Variants in CSF1R observed in about 807,000 individuals in gnomAD.
CSF1R encodes colony stimulating factor 1 receptor.
Under a neutral mutation model 110.0 loss-of-function variants are expected in CSF1R, and 40 were observed. That is an observed-to-expected ratio of 0.36 (90% CI 0.28 to 0.47). CSF1R has a LOEUF of 0.47. CSF1R is among the 20% of genes least tolerant of loss of function. CSF1R has a pLI of 0.99. For synonymous variants in CSF1R, 523 were observed against 503.4 expected (o/e 1.04, Z -0.52); for missense variants, 1,052 against 1,253.0 (o/e 0.84, Z 2.42).
At position 150,077,286 on chromosome 5, in the gene CSF1R, G is replaced by A. The variant is rs759167484; in HGVS notation, c.879C>T (p.Phe293=). The A allele has an allele frequency of 1.2e-6, 2 of 1,614,096 alleles. No individual in the cohort carries two copies. The highest frequency in any genetic ancestry group is 2.7e-5 in the African/African-American group (2 of 74,934). Reference sequence around the variant, plus strand: ...CACCCTGATGCTTACCTACCACCCGGAAGAACATGGAGGTGGAGTGCTTGC... The same window carrying A: ...CACCCTGATGCTTACCTACCACCCGAAAGAACATGGAGGTGGAGTGCTTGC... ...VQGKHSTSMF[F]RVVESAYLNL... is the part of the protein sequence containing the mutation. The change falls in exon 5 of 21, where the codon TTC becomes TTT. Residue 293 remains phenylalanine, a synonymous_variant. Coordinates refer to ENST00000675795, the MANE Select transcript of CSF1R (RefSeq NM_001288705.3).
chr5:150,106,153 TG>T (rs2113868332), intron 1 of CSF1R, among the ~76,000 whole-genome samples: 1 of 152,296 alleles, frequency 6.6e-6, no homozygotes, highest in Admixed American at 6.5e-5. Context: ...TGGGACTCAG[TG>T]GGGTAAGCCC....
At chr5:150,077,169 T>C in intron 5 of CSF1R, 107 bp downstream of exon 5, 1 of 1,422,130 alleles carries the variant, frequency 7.0e-7, no homozygotes, top group Non-Finnish European at 9.9e-7. Flanking sequence ...CCAGCAGAGA[T>C]ATCCTCAGCA....
At chr5:150,056,188 C>G (rs754928706) in intron 17 of CSF1R, 31 bp downstream of exon 17, 1 of 1,614,210 alleles carries the variant, frequency 6.2e-7, no homozygotes, top group East Asian at 2.2e-5. Context: ...CACCCCCTCC[C>G]CAGCCTGGCC....
Position 150,056,330 on chromosome 5 carries a change from C to T in CSF1R, c.2331G>A (p.Arg777=). 6.2e-7 allele frequency: 1 copy of T among 1,614,196 alleles called. No individual in the cohort carries two copies. The highest frequency in any genetic ancestry group is 2.2e-5 in the East Asian group (1 of 44,876). The stretch of plus-strand genomic sequence containing the variant: ...ACAGCACGTTACGCGCTGCCACGTC[C>T]CGGTGGATGCACTGAGGGAAAGCAC... The part of the protein sequence containing the change: ...AFLASKNCIH[R]DVAARNVLLT... The change falls in exon 17 of 21, where the codon CGG becomes CGA. Residue 777 remains arginine, a synonymous_variant. Coordinates refer to ENST00000675795, the MANE Select transcript of CSF1R (RefSeq NM_001288705.3).
intron 14 of CSF1R, among the ~76,000 whole-genome samples, chr5:150,059,340 G>A (rs116670991): frequency 0.046 from 6,958 of 152,162 alleles, 522 homozygotes; most frequent in African/African-American, 0.16. Context: ...CACTGCACCC[G>A]GCCACATCTG....
intron 10 of CSF1R, among the ~76,000 whole-genome samples, chr5:150,062,835 C>G (rs1469689642): frequency 6.6e-6 from 1 of 152,128 alleles, no homozygotes; most frequent in Non-Finnish European, 1.5e-5. Flanking sequence ...AAAGAGCCCA[C>G]CATGTGACCA....
In CSF1R at chr5:150,094,441, G is replaced by A. The variant is rs947239251; in HGVS notation, c.-180-7834C>T. On this transcript the variant is annotated intron_variant, in intron 1 of 21. Coordinates refer to the CSF1R transcript ENST00000286301. ...CAAAAGATGCTTCGAAAGGCAAGGA[G>A]GAAGCTTATCTATGAAAAAGCAAAG... 13 of 1,597,516 alleles carry A rather than the reference G, an allele frequency of 8.1e-6. No homozygotes were observed. The Admixed American group carries it at 1.2e-4, about 14-fold the overall frequency.
intron 1 of CSF1R, among the ~76,000 whole-genome samples, chr5:150,105,934 G>GAA: frequency 6.6e-6 from 1 of 152,288 alleles, no homozygotes; most frequent in Non-Finnish European, 1.5e-5. Flanking sequence ...TATTAATTAC[G>GAA]CCATTTTGCC....
intron 1 of CSF1R, among the ~76,000 whole-genome samples, chr5:150,098,199 A>C (rs1259743028): frequency 6.6e-6 from 1 of 151,990 alleles, no homozygotes. Flanking sequence ...AAAAGAAAAA[A>C]ATAAAAATCA....
At chr5:150,109,060 C>CA (rs796543393) in intron 1 of CSF1R, among the ~76,000 whole-genome samples, 3 of 15,530 alleles carry the variant, frequency 1.9e-4, no homozygotes, top group Admixed American at 6.3e-4. Flanking sequence ...AGAAGCCCGC[C>CA]CCCCCCCCAC....
intron 1 of CSF1R, among the ~76,000 whole-genome samples, chr5:150,101,904 T>C (rs1759416830): frequency 6.6e-6 from 1 of 152,166 alleles, no homozygotes; most frequent in Non-Finnish European, 1.5e-5. Flanking sequence ...AATAGTATCC[T>C]ATGCTATTTA....
At chr5:150,081,163 C>G (rs1342693465) in intron 1 of CSF1R, 139 bp from the exon 2 acceptor site, 5 of 930,298 alleles carry the variant, frequency 5.4e-6, no homozygotes, top group Non-Finnish European at 8.1e-6. Flanking sequence ...CCCCTGCCCC[C>G]TGGTCATTTG....
chr5:150,094,506 A>G lies in CSF1R; in HGVS notation c.-180-7899T>C, dbSNP rs537483099. On this transcript the variant is annotated intron_variant, in intron 1 of 21. Transcript: ENST00000286301. ...ATATAGGCAGATGTACAGGACTGAA[A>G]TTCGAATGGCGAGGATGGCAAGAAA... is the stretch of plus-strand genomic sequence containing the variant. 207 of 1,600,140 alleles carry G rather than the reference A, an allele frequency of 1.3e-4. 1 individual carries two copies. The African/African-American group carries it at 2.5e-3, about 19-fold the overall frequency.
chr5:150,060,396 T>C (rs1217159508), intron 13 of CSF1R, among the ~76,000 whole-genome samples: 2 of 151,858 alleles, frequency 1.3e-5, no homozygotes, highest in Non-Finnish European at 2.9e-5. Context: ...GAATTATTTC[T>C]TCAAAGGAAA....
chr5:150,095,439 C>A (rs1191073188), intron 1 of CSF1R, among the ~76,000 whole-genome samples: 1 of 151,882 alleles, frequency 6.6e-6, no homozygotes, highest in Non-Finnish European at 1.5e-5. Context: ...TGCATCACAA[C>A]AGAATCAAAC....
Position 150,077,399 on chromosome 5 carries a change from G to A in CSF1R, c.766C>T (p.Arg256Cys), listed in dbSNP as rs764483518. The A allele has an allele frequency of 1.4e-5, 23 of 1,613,752 alleles. No individual in the cohort carries two copies. Among genetic ancestry groups the A allele is most frequent in the African/African-American group, 1.2e-4 (9 of 74,910 alleles). ...IPQQSDFHNN[R>C]YQKVLTLNLD... ...TTGAGGGTCAGGACTTTTTGGTAAC[G>A]GTTATTATGAAAGTCAGATTGTTGA... The change falls in exon 5 of 21, where the codon CGT (arginine) becomes TGT (cysteine). Residue 256 changes from arginine to cysteine, a missense_variant. By Grantham distance (180) the Arg-to-Cys change is radical. Coordinates refer to ENST00000675795, the MANE Select transcript of CSF1R (RefSeq NM_001288705.3).
At chr5:150,055,385 C>T in intron 18 of CSF1R, 49 bp from the exon 19 acceptor site, 7 of 1,462,836 alleles carry the variant, frequency 4.8e-6, no homozygotes, top group Non-Finnish European at 6.7e-6. Flanking sequence ...GTCTTCTCCC[C>T]ATTCCCGCAC....
intron 13 of CSF1R, 91 bp from the exon 14 acceptor site, chr5:150,059,953 A>G: frequency 7.0e-7 from 1 of 1,423,210 alleles, no homozygotes; most frequent in Admixed American, 2.0e-5. Context: ...AGGCCACTGG[A>G]CTTGGACTCA....
At chr5:150,087,860 A>C (rs1758906879), upstream of CSF1R, among the ~76,000 whole-genome samples, 1 of 151,734 alleles carries the variant, frequency 6.6e-6, no homozygotes, top group African/African-American at 2.4e-5. Context: ...CATCCTCCTG[A>C]GTAGTTGGGA....
Sources: gnomAD v4.1 joint callset for allele counts (sites outside exome capture counted in the v4.1 genomes callset) on GRCh38, gnomAD v4.1.1 for gene constraint, MANE v1.5 for transcripts, NCBI Gene and HGNC (gene_info 2026-07-23, HGNC 2026-07-21) for gene names.